TSHZ2: variants seen among roughly 807,000 people sequenced by gnomAD.
TSHZ2 encodes the protein teashirt zinc finger homeobox 2.
A neutral mutation model predicts 74.4 loss-of-function variants in TSHZ2; 21 were observed. The ratio of observed to expected loss-of-function variants is 0.28; its 90% CI spans 0.20 to 0.41. The LOEUF (loss-of-function observed/expected upper bound fraction) is 0.41, where lower values mean the gene tolerates loss of function less well. Among genes scored for constraint, TSHZ2 ranks in the 10% least tolerant of loss-of-function variants. The pLI, the probability that TSHZ2 is intolerant of heterozygous loss-of-function variation, is 1.00. For missense variants in TSHZ2, 1,244 were observed against 1,293.5 expected, an observed-to-expected ratio of 0.96 and a Z score of 0.59; for synonymous variants, 540 against 515.3, an observed-to-expected ratio of 1.05 and a Z score of -0.65.
rs1404247594 is a variant in TSHZ2, at chr20:53,249,527, G to A, written c.41-3972G>A. ...GTGATGTGATGGATAGTTACACAGA[G>A]CAGGGGAGACATCAGCAAAGGCCTC... On this transcript the variant is annotated intron_variant, in intron 1 of 2. Coordinates refer to ENST00000371497, the MANE Select transcript of TSHZ2 (RefSeq NM_173485.6). Among the ~76,000 whole-genome samples, 3 of 152,210 alleles carry A rather than the reference G, an allele frequency of 2.0e-5. No individual in the cohort carries two copies. In the East Asian group the frequency reaches 5.8e-4, roughly 29 times the overall value.
At chr20:53,429,924 T>C (rs1403366792) in intron 2 of TSHZ2, among the ~76,000 whole-genome samples, 3 of 152,174 alleles carry the variant, frequency 2.0e-5, no homozygotes, top group African/African-American at 7.2e-5. Flanking sequence ...CATTGCAGGA[T>C]GTAGCAGTAT....
chr20:52,996,721 T>C (rs979395771), intron 1 of TSHZ2, among the ~76,000 whole-genome samples: 2 of 152,220 alleles, frequency 1.3e-5, no homozygotes, highest in African/African-American at 4.8e-5. Flanking sequence ...GTGGTGTTTC[T>C]AGGCTGCTGA....
chr20:53,187,972 T>G (rs1988641143), intron 1 of TSHZ2, among the ~76,000 whole-genome samples: 1 of 152,156 alleles, frequency 6.6e-6, no homozygotes, highest in Non-Finnish European at 1.5e-5. Context: ...CCATATATCA[T>G]TAGAACCCTC....
intron 2 of TSHZ2, among the ~76,000 whole-genome samples, chr20:53,403,761 C>G (rs1380141095): frequency 6.6e-6 from 1 of 152,170 alleles, no homozygotes; most frequent in African/African-American, 2.4e-5. Context: ...AAACTAGCCC[C>G]GTATTCAGGT....
At chr20:52,998,510 G>A (rs1982289795) in intron 1 of TSHZ2, among the ~76,000 whole-genome samples, 3 of 152,132 alleles carry the variant, frequency 2.0e-5, no homozygotes, top group Admixed American at 1.3e-4. Context: ...CCTTCACATG[G>A]TTCATATATT....
At chr20:53,472,616 A>G (rs950931575) in intron 2 of TSHZ2, among the ~76,000 whole-genome samples, 2 of 152,148 alleles carry the variant, frequency 1.3e-5, no homozygotes, top group African/African-American at 4.8e-5. Context: ...GAACTGGAAG[A>G]TGCTGCTTAG....
chr20:53,488,980 G>C lies in TSHZ2; in HGVS notation c.*1845G>C. 1 of 456,128 alleles carries C rather than the reference G, an allele frequency of 2.2e-6. No individual in the cohort carries two copies. The highest frequency in any genetic ancestry group is 4.4e-6 in the Non-Finnish European group (1 of 226,910). The allele number at this position is 456,128 out of a possible 1,614,324, so 28.3% of individuals were successfully genotyped here. The stretch of plus-strand genomic sequence containing the variant: ...TCGGGGAAGGAGGGAAAAAGTAAAT[G>C]AAGTTCCAGGAATGTCATTCTGAAG... On this transcript the variant is annotated 3_prime_UTR_variant, in exon 3 of 3. Transcript: ENST00000371497.
At chr20:53,096,149 G>A (rs986304464) in intron 1 of TSHZ2, among the ~76,000 whole-genome samples, 4 of 152,126 alleles carry the variant, frequency 2.6e-5, no homozygotes, top group Non-Finnish European at 5.9e-5. Flanking sequence ...CTGTTTGTTT[G>A]TTTGTTTTTA....
At chr20:53,091,479 T>A (rs778937629) in intron 1 of TSHZ2, among the ~76,000 whole-genome samples, 1 of 152,244 alleles carries the variant, frequency 6.6e-6, no homozygotes, top group Non-Finnish European at 1.5e-5. Flanking sequence ...AAATAATTTG[T>A]AAGATTTACC....
At chr20:53,396,620 G>T (rs912915631) in intron 2 of TSHZ2, among the ~76,000 whole-genome samples, 1 of 152,110 alleles carries the variant, frequency 6.6e-6, no homozygotes, top group African/African-American at 2.4e-5. Context: ...GCCGAGGCAG[G>T]TGGATCACTT....
At chr20:53,084,171 A>G (rs1985621259) in intron 1 of TSHZ2, among the ~76,000 whole-genome samples, 1 of 152,228 alleles carries the variant, frequency 6.6e-6, no homozygotes, top group Non-Finnish European at 1.5e-5. Context: ...CAATTACTCA[A>G]AAGATTTTTC....
chr20:53,067,980 T>A (rs1985045269), intron 1 of TSHZ2, among the ~76,000 whole-genome samples: 1 of 152,196 alleles, frequency 6.6e-6, no homozygotes, highest in Non-Finnish European at 1.5e-5. Context: ...TGTAGACACA[T>A]CACTCTAATC....
At chr20:53,027,559 G>A (rs747825536) in intron 1 of TSHZ2, among the ~76,000 whole-genome samples, 1 of 152,120 alleles carries the variant, frequency 6.6e-6, no homozygotes, top group Non-Finnish European at 1.5e-5. Context: ...GAAAAGCCTG[G>A]AATTGGTAAA....
At chr20:53,282,480 C>T (rs538486658) in intron 2 of TSHZ2, among the ~76,000 whole-genome samples, 12 of 152,170 alleles carry the variant, frequency 7.9e-5, no homozygotes, top group African/African-American at 2.7e-4. Flanking sequence ...CCTTACCACA[C>T]GCTTTAAGTA....
At position 53,256,702 on chromosome 20, in the gene TSHZ2, T is replaced by C; in HGVS notation, c.*8+131T>C. On this transcript the variant is annotated intron_variant, in intron 2 of 2. Transcript: ENST00000371497. This position sits in a 1 kb window ranked among gnomAD's most constrained non-coding sequence, Gnocchi z 4.3. ...AGTAGCTTGCTGGAGTAGGATTTATTTTAATGAAAGACCAGAACATGAAAA... is the reference window on the plus strand; with the variant it reads ...AGTAGCTTGCTGGAGTAGGATTTATCTTAATGAAAGACCAGAACATGAAAA... 3 of 1,393,066 alleles carry C rather than the reference T, an allele frequency of 2.2e-6. No individual in the cohort carries two copies. Among genetic ancestry groups the C allele is most frequent in the Non-Finnish European group, 2.8e-6 (3 of 1,063,394 alleles). The allele number at this position is 1,393,066 out of a possible 1,614,324, so 86.3% of individuals were successfully genotyped here. A position where few individuals can be genotyped will look rare whatever the true frequency, so the allele number is the denominator to read the frequency against.
Position 53,099,444 on chromosome 20 carries a change from C to T in TSHZ2, c.40+126111C>T, listed in dbSNP as rs968034580. Among the ~76,000 whole-genome samples, 6 of 128,978 alleles carry T rather than the reference C, an allele frequency of 4.7e-5. No individual in the cohort carries two copies. In the South Asian group the frequency reaches 9.2e-4, roughly 20 times the overall value. 84.6% of individuals were successfully genotyped at this position (128,978 alleles called of 152,430 possible). A position where few individuals can be genotyped will look rare whatever the true frequency, so the allele number is the denominator to read the frequency against. On this transcript the variant is annotated intron_variant, in intron 1 of 2. Transcript: ENST00000371497. ...TCTCACATCTGAAATAAAAATGGTC[C>T]CTCTCTGATCATTTGCTACAACCTG...
At chr20:53,147,183 G>T (rs1987562333) in intron 1 of TSHZ2, among the ~76,000 whole-genome samples, 1 of 151,804 alleles carries the variant, frequency 6.6e-6, no homozygotes, top group Admixed American at 6.6e-5. Flanking sequence ...CTCATTATTG[G>T]CTTTATACAT....
intron 2 of TSHZ2, among the ~76,000 whole-genome samples, chr20:53,372,310 T>C (rs1157213410): frequency 3.9e-5 from 6 of 151,962 alleles, no homozygotes; most frequent in Non-Finnish European, 5.9e-5. Flanking sequence ...ACCCCATCTC[T>C]ACTGAAAAAA....
At chr20:53,003,284 G>GTT (rs1982509262) in intron 1 of TSHZ2, among the ~76,000 whole-genome samples, 1 of 151,344 alleles carries the variant, frequency 6.6e-6, no homozygotes, top group African/African-American at 2.4e-5. Flanking sequence ...GTGTGTGTGT[G>GTT]TGTGTGTGTG....
Sources: allele counts gnomAD v4.1 joint callset (sites outside exome capture counted in the v4.1 genomes callset), GRCh38; gene constraint gnomAD v4.1.1; non-coding constraint Gnocchi (gnomAD v3.1); transcripts MANE v1.5; gene names NCBI Gene and HGNC (gene_info 2026-07-23, HGNC 2026-07-21).